The following GRIK1 variants were observed in gnomAD, a reference collection of about 807,000 sequenced individuals.
GRIK1 encodes glutamate receptor ionotropic, kainate 1.
Under a neutral mutation model 105.7 loss-of-function variants are expected in GRIK1, and 69 were observed. The ratio of observed to expected loss-of-function variants is 0.65; its 90% CI spans 0.54 to 0.80. GRIK1 has a LOEUF of 0.80. GRIK1 is among the 30% of genes least tolerant of loss of function. The probability of loss-of-function intolerance (pLI) is 0.00; values close to 1 mark genes in which losing one functional copy is unlikely to be tolerated. For synonymous variants in GRIK1, 438 were observed against 431.3 expected (o/e 1.02, Z -0.19); for missense variants, 1,109 against 1,167.3 (o/e 0.95, Z 0.73).
intron 3 of GRIK1, among the ~76,000 whole-genome samples, chr21:29,678,311 C>T (rs2063312083): frequency 1.3e-5 from 2 of 152,140 alleles, no homozygotes; most frequent in African/African-American, 4.8e-5. Flanking sequence ...AAACACAATG[C>T]TTTTAAAGTG....
chr21:29,794,017 C>A (rs1346782705), intron 1 of GRIK1, among the ~76,000 whole-genome samples: 1 of 152,082 alleles, frequency 6.6e-6, no homozygotes, highest in African/African-American at 2.4e-5. Context: ...AATTTATGTA[C>A]AAAATGTTTT....
chr21:29,860,557 T>G (rs1322728203), intron 1 of GRIK1, among the ~76,000 whole-genome samples: 1 of 152,178 alleles, frequency 6.6e-6, no homozygotes, highest in Non-Finnish European at 1.5e-5. Flanking sequence ...AAGATAACTA[T>G]GTGCCACACC....
chr21:29,607,062 C>A (rs915513092), intron 7 of GRIK1, among the ~76,000 whole-genome samples: 1 of 152,120 alleles, frequency 6.6e-6, no homozygotes, highest in Non-Finnish European at 1.5e-5. Flanking sequence ...AACACAGTCA[C>A]GGGGATACTA....
At chr21:29,690,012 GGGGA>G in intron 2 of GRIK1, 27 bp from the exon 3 acceptor site, 17 of 1,566,638 alleles carry the variant, frequency 1.1e-5, no homozygotes, top group South Asian at 2.2e-5. Flanking sequence ...AGGAGAGGAT[GGGGA>G]GGGAGGGCAG....
rs528359579 is a variant in GRIK1 at position 29,827,255 on chromosome 21, G to A, written c.118+112128C>T. On this transcript the variant is annotated intron_variant, in intron 1 of 17. Transcript: ENST00000327783. Reference sequence around the variant, plus strand: ...AATACCACACATTTTAAAGCAGGTGGTATTTTGAACTCAGGCCCTAGACAA... The same window carrying A: ...AATACCACACATTTTAAAGCAGGTGATATTTTGAACTCAGGCCCTAGACAA... Among the ~76,000 whole-genome samples the A allele has an allele frequency of 3.9e-5, 6 of 152,122 alleles. No individual in the cohort carries two copies. In the South Asian group the frequency reaches 1.2e-3, roughly 32 times the overall value.
At chr21:29,582,913 G>T (rs1319365364) in intron 12 of GRIK1, among the ~76,000 whole-genome samples, 1 of 152,120 alleles carries the variant, frequency 6.6e-6, no homozygotes, top group Non-Finnish European at 1.5e-5. Flanking sequence ...ACACTGGGGA[G>T]AACCGGGCTT....
intron 1 of GRIK1, among the ~76,000 whole-genome samples, chr21:29,843,914 A>T (rs1261695154): frequency 1.3e-5 from 2 of 152,140 alleles, no homozygotes; most frequent in African/African-American, 4.8e-5. Flanking sequence ...ACAGACTCCT[A>T]CTTGGAGGGC....
chr21:29,612,159 G>A (rs2061743773), intron 7 of GRIK1, among the ~76,000 whole-genome samples: 2 of 152,188 alleles, frequency 1.3e-5, no homozygotes, highest in Non-Finnish European at 2.9e-5. Context: ...TTGACACATA[G>A]CGTTCTATTT....
Position 29,579,134 on chromosome 21 carries a change from A to G in GRIK1, c.1913-1953T>C, listed in dbSNP as rs559742539. On this transcript the variant is annotated intron_variant, in intron 13 of 17. Transcript: ENST00000327783. ...CTTTCACACTTTAGAATGCATATTT[A>G]AACTTTTGGATAAAGTTACCTTAGA... 3.3e-5 allele frequency among the ~76,000 whole-genome samples: 5 copies of G among 152,338 alleles called. No individual in the cohort carries two copies. In the East Asian group the frequency reaches 9.6e-4, roughly 29 times the overall value.
chr21:29,889,206 A>C (rs2069797275), intron 1 of GRIK1, among the ~76,000 whole-genome samples: 1 of 152,224 alleles, frequency 6.6e-6, no homozygotes, highest in Admixed American at 6.5e-5. Flanking sequence ...ATGCATGGAC[A>C]AGGTAATAAA....
At chr21:29,827,307 A>G (rs1256554718) in intron 1 of GRIK1, among the ~76,000 whole-genome samples, 1 of 152,156 alleles carries the variant, frequency 6.6e-6, no homozygotes, top group Non-Finnish European at 1.5e-5. Context: ...TTTAAGTAAT[A>G]TTAAAACCTA....
intron 1 of GRIK1, among the ~76,000 whole-genome samples, chr21:29,720,901 T>A (rs2064304001): frequency 1.3e-5 from 2 of 152,126 alleles, no homozygotes; most frequent in Non-Finnish European, 2.9e-5. Flanking sequence ...CCAAAAGGAA[T>A]GCAATATTCT....
chr21:29,664,780 T>C lies in GRIK1; in HGVS notation c.726+8203A>G, dbSNP rs1181848040. On this transcript the variant is annotated intron_variant, in intron 4 of 17. Transcript: ENST00000327783. The stretch of plus-strand genomic sequence containing the variant: ...ATTTATGAAGTATTGAGGAAGTAGA[T>C]AAGGTTAACCTAGCAAAGTAATTTT... Among the ~76,000 whole-genome samples, 4 of 152,158 alleles carry C rather than the reference T, an allele frequency of 2.6e-5. No homozygotes were observed. In the East Asian group the frequency reaches 7.7e-4, roughly 29 times the overall value.
At chr21:29,599,790 C>CACAAACAAACAAACAA (rs543964031) in intron 7 of GRIK1, among the ~76,000 whole-genome samples, 1 of 152,082 alleles carries the variant, frequency 6.6e-6, no homozygotes, top group African/African-American at 2.4e-5. Flanking sequence ...AAGACTCTGT[C>CACAAACAAACAAACAA]ACAAACAAAC....
intron 1 of GRIK1, among the ~76,000 whole-genome samples, chr21:29,926,277 T>A (rs971346817): frequency 2.0e-5 from 3 of 152,162 alleles, no homozygotes; most frequent in Admixed American, 2.0e-4. Context: ...TTAAGACACA[T>A]CTCAAAATTC....
At chr21:29,923,633 G>A (rs993088794) in intron 1 of GRIK1, among the ~76,000 whole-genome samples, 1 of 152,088 alleles carries the variant, frequency 6.6e-6, no homozygotes, top group Non-Finnish European at 1.5e-5. Flanking sequence ...AACCAAACAC[G>A]CCAATGTTTC....
chr21:29,615,823 A>G (rs1296053465), intron 7 of GRIK1, among the ~76,000 whole-genome samples: 1 of 152,210 alleles, frequency 6.6e-6, no homozygotes, highest in East Asian at 1.9e-4. Flanking sequence ...GGCTCACAAT[A>G]TAACCTCATT....
At chr21:29,825,787 A>G (rs970473977) in intron 1 of GRIK1, among the ~76,000 whole-genome samples, 1 of 152,106 alleles carries the variant, frequency 6.6e-6, no homozygotes, top group Non-Finnish European at 1.5e-5. Context: ...ACTATCCTTT[A>G]CATAATTTTT....
At chr21:29,596,811 A>G (rs963297153) in intron 8 of GRIK1, 2 of 533,846 alleles carry the variant, frequency 3.7e-6, no homozygotes, top group Non-Finnish European at 6.7e-6. Flanking sequence ...CCTTTCACAC[A>G]CCAAGAAATG....
Sources: gnomAD v4.1 joint callset for allele counts (sites outside exome capture counted in the v4.1 genomes callset) on GRCh38, gnomAD v4.1.1 for gene constraint, MANE v1.5 for transcripts, NCBI Gene and HGNC (gene_info 2026-07-23, HGNC 2026-07-21) for gene names.